NTAQ1: variants seen among roughly 807,000 people sequenced by gnomAD.
The protein encoded by NTAQ1 is N-terminal glutamine amidase 1, also known as protein N-terminal glutamine amidohydrolase.
NTAQ1 carries 21 observed loss-of-function variants against 28.2 expected under a neutral mutation model. The observed-to-expected ratio is 0.74, with a 90% CI of 0.53 to 1.07. NTAQ1 has a LOEUF of 1.07. Among genes scored for constraint, NTAQ1 ranks in the 50% least tolerant of loss-of-function variants. NTAQ1 has a pLI of 0.00. For missense variants in NTAQ1, 264 were observed against 256.6 expected (o/e 1.03, Z -0.20); for synonymous variants, 105 against 90.0 (o/e 1.17, Z -0.94).
chr8:123,470,091 C>T (rs1248074876), downstream of NTAQ1, among the ~76,000 whole-genome samples: 1 of 152,144 alleles, frequency 6.6e-6, no homozygotes, highest in African/African-American at 2.4e-5. Flanking sequence ...AGGTTCTTCT[C>T]TTTTTCTGCC....
chr8:123,420,709 C>G (rs1010508070), intron 1 of NTAQ1, among the ~76,000 whole-genome samples: 2 of 150,980 alleles, frequency 1.3e-5, no homozygotes, highest in Non-Finnish European at 1.5e-5. Context: ...CCTCTCACCT[C>G]AGCTTCCTAA....
chr8:123,473,610 AT>A (rs1168451054), downstream of NTAQ1, among the ~76,000 whole-genome samples: 1 of 152,196 alleles, frequency 6.6e-6, no homozygotes, highest in Non-Finnish European at 1.5e-5. Context: ...GAATTTCTAC[AT>A]TGTTGACATG....
downstream of NTAQ1, among the ~76,000 whole-genome samples, chr8:123,449,969 ATATAT>A (rs1246573908): frequency 1.3e-3 from 87 of 66,232 alleles, 25 homozygotes; most frequent in South Asian, 0.037. Flanking sequence ...ATATATATAT[ATATAT>A]GCTGGATAAA....
At chr8:123,471,065 C>G (rs1816036397), downstream of NTAQ1, among the ~76,000 whole-genome samples, 1 of 151,880 alleles carries the variant, frequency 6.6e-6, no homozygotes, top group African/African-American at 2.4e-5. Flanking sequence ...GGACTACAGG[C>G]ATGCACCACC....
At chr8:123,463,975 T>C (rs1815900628) in intron 6 of NTAQ1, among the ~76,000 whole-genome samples, 1 of 152,190 alleles carries the variant, frequency 6.6e-6, no homozygotes. Context: ...TCACGAGATC[T>C]GATGGTTTTA....
intron 6 of NTAQ1, chr8:123,454,902 T>C (rs1372933283): frequency 6.6e-6 from 1 of 152,344 alleles, no homozygotes; most frequent in African/African-American, 2.4e-5. Flanking sequence ...AATGTGGGTG[T>C]CTGGCGTTGT....
In NTAQ1 at chr8:123,430,282, G is replaced by C. The variant is rs768614760; in HGVS notation, c.234+249G>C. On this transcript the variant is annotated intron_variant, in intron 3 of 5. Transcript: ENST00000287387. ...AAATGGTGGATATATTTGTGATCTA[G>C]ACTCTTACCATTTAGCACAGGAAGG... Among the ~76,000 whole-genome samples the C allele has an allele frequency of 3.7e-4, 57 of 152,172 alleles. 1 individual carries two copies. The highest frequency in any genetic ancestry group is 5.1e-4 in the Non-Finnish European group (35 of 68,048).
chr8:123,436,639 G>A, intron 4 of NTAQ1, 38 bp downstream of exon 4: 1 of 1,588,340 alleles, frequency 6.3e-7, no homozygotes, highest in Non-Finnish European at 8.5e-7. Context: ...ATTTTCTGAA[G>A]TAAGAATTTG....
intron 3 of NTAQ1, among the ~76,000 whole-genome samples, chr8:123,430,987 A>C (rs1230716620): frequency 6.6e-6 from 1 of 152,144 alleles, no homozygotes; most frequent in East Asian, 1.9e-4. Flanking sequence ...ACTGGGTCTC[A>C]CACCTGGGTC....
rs1040295034 is a variant in NTAQ1, at chr8:123,436,190, A to T, written c.235-263A>T. On this transcript the variant is annotated intron_variant, in intron 3 of 5. Coordinates refer to ENST00000287387, the MANE Select transcript of NTAQ1 (RefSeq NM_018024.3). ...ATCTCAAAAAAAAAAAAAAAAAAAA[A>T]GTTTCCTAGAGGTAAAATTGCAGTT... is the stretch of plus-strand genomic sequence containing the variant. Among the ~76,000 whole-genome samples, 12 of 146,470 alleles carry T rather than the reference A, an allele frequency of 8.2e-5. No homozygotes were observed. In the East Asian group the frequency reaches 2.3e-3, roughly 28 times the overall value.
chr8:123,461,597 C>T (rs1276900032), intron 6 of NTAQ1, among the ~76,000 whole-genome samples: 1 of 152,180 alleles, frequency 6.6e-6, no homozygotes, highest in African/African-American at 2.4e-5. Context: ...GCTATAATGA[C>T]ACCCTAGGTC....
In NTAQ1 at chr8:123,427,951, A is replaced by C. The variant is rs137950749; in HGVS notation, c.111A>C (p.Glu37Asp). 3.7e-6 allele frequency: 6 copies of C among 1,610,016 alleles called. No individual in the cohort carries two copies. The African/African-American group carries it at 8.0e-5, about 22-fold the overall frequency. ...AAGAAAATATTTGGAAGCTCTGTGA[A>C]TACATCAAAAACCATGACCAGTATC... ...YCEENIWKLC[E>D]YIKNHDQYPL... Residue 37 changes from glutamate (E) to aspartate (D), a missense_variant, in exon 2 of 6, where the codon GAA (glutamate) becomes GAC (aspartate). Coordinates refer to ENST00000287387, the MANE Select transcript of NTAQ1 (RefSeq NM_018024.3).
intron 4 of NTAQ1, 138 bp from the exon 5 acceptor site, chr8:123,437,072 A>C: frequency 8.8e-7 from 1 of 1,139,676 alleles, no homozygotes; most frequent in Non-Finnish European, 1.2e-6. Context: ...TAGGTAGTAA[A>C]GTTGCCTGTA....
chr8:123,425,027 A>G (rs966274084), intron 1 of NTAQ1, among the ~76,000 whole-genome samples: 3 of 152,322 alleles, frequency 2.0e-5, no homozygotes, highest in Admixed American at 1.3e-4. Context: ...GCCTTAGAAC[A>G]TTTAGATTAA....
chr8:123,426,270 C>T (rs552628852), intron 1 of NTAQ1, among the ~76,000 whole-genome samples: 1 of 152,306 alleles, frequency 6.6e-6, no homozygotes, highest in African/African-American at 2.4e-5. Context: ...CTGACTACTG[C>T]TTCAGATAGC....
At chr8:123,430,359 C>T (rs776707266) in intron 3 of NTAQ1, among the ~76,000 whole-genome samples, 3 of 152,222 alleles carry the variant, frequency 2.0e-5, no homozygotes, top group Non-Finnish European at 4.4e-5. Context: ...ATGTAGTTTT[C>T]GGCTGGGCGC....
At position 123,435,538 on chromosome 8, in the gene NTAQ1, C is replaced by T. The variant is rs965573781; in HGVS notation, c.235-915C>T. ...ATGCATGCAAATGTACTTCTGAATGCGCACGTATGTCTTTATATACAGATA... is the reference window on the plus strand; with the variant it reads ...ATGCATGCAAATGTACTTCTGAATGTGCACGTATGTCTTTATATACAGATA... On this transcript the variant is annotated intron_variant, in intron 3 of 5. Coordinates refer to ENST00000287387, the MANE Select transcript of NTAQ1 (RefSeq NM_018024.3). The T allele has an allele frequency of 6.1e-5, 60 of 984,902 alleles. No individual in the cohort carries two copies. The African/African-American group carries it at 7.2e-4, about 12-fold the overall frequency. 61.0% of individuals were successfully genotyped at this position (984,902 alleles called of 1,614,324 possible).
downstream of NTAQ1, among the ~76,000 whole-genome samples, chr8:123,443,997 G>T (rs774560329): frequency 6.6e-6 from 1 of 151,542 alleles, no homozygotes; most frequent in Admixed American, 6.6e-5. Flanking sequence ...GTTGTTTATC[G>T]GGCTTAGGAA....
At chr8:123,419,739 C>CCTCT (rs1813551182) in intron 1 of NTAQ1, among the ~76,000 whole-genome samples, 1 of 97,056 alleles carries the variant, frequency 1.0e-5, no homozygotes, top group Non-Finnish European at 2.1e-5. Flanking sequence ...CACAGCCCTC[C>CCTCT]CTCCCTCCCT....
Sources: allele counts gnomAD v4.1 joint callset (sites outside exome capture counted in the v4.1 genomes callset), GRCh38; gene constraint gnomAD v4.1.1; transcripts MANE v1.5; gene names NCBI Gene and HGNC (gene_info 2026-07-23, HGNC 2026-07-21).